Variants in PLA2G4A observed in about 807,000 individuals in gnomAD.
The protein encoded by PLA2G4A is phospholipase A2 group IVA.
In PLA2G4A, 40 loss-of-function variants were observed where a neutral mutation model predicts 81.9. The ratio of observed to expected loss-of-function variants is 0.49; its 90% confidence interval spans 0.38 to 0.64. The LOEUF (loss-of-function observed/expected upper bound fraction) is 0.64, where lower values mean the gene tolerates loss of function less well. PLA2G4A is among the 30% of genes least tolerant of loss of function. The probability of loss-of-function intolerance (pLI) is 0.00; values close to 1 mark genes in which losing one functional copy is unlikely to be tolerated. For missense variants in PLA2G4A, 715 were observed against 905.1 expected (o/e 0.79, Z 2.69); for synonymous variants, 302 against 296.9 (o/e 1.02, Z -0.18).
Position 186,935,003 on chromosome 1 carries a change from G to A in PLA2G4A, c.695+2104G>A, listed in dbSNP as rs141880224. On this transcript the variant is annotated intron_variant, in intron 8 of 17. Transcript: ENST00000367466. Reference sequence around the variant, plus strand: ...ATTACCACCAAGAATTTAATTCATGGAACCCTGTAACACTCCAAAACTTCA... The same window carrying A: ...ATTACCACCAAGAATTTAATTCATGAAACCCTGTAACACTCCAAAACTTCA... Among the ~76,000 whole-genome samples the A allele has an allele frequency of 3.4e-3, 511 of 151,644 alleles. 4 individuals are homozygous for A. The highest frequency in any genetic ancestry group is 0.014 in the Middle Eastern group (4 of 294).
intron 1 of PLA2G4A, among the ~76,000 whole-genome samples, chr1:186,830,362 C>T (rs1473072972): frequency 6.6e-6 from 1 of 151,872 alleles, no homozygotes; most frequent in East Asian, 1.9e-4. Context: ...AATACCAGCA[C>T]TTTGGGAGGC....
chr1:186,865,812 A>G (rs1653006971), intron 2 of PLA2G4A, among the ~76,000 whole-genome samples: 2 of 152,174 alleles, frequency 1.3e-5, no homozygotes, highest in South Asian at 4.1e-4. Context: ...ATAGTTACAT[A>G]TATCAATATA....
chr1:186,949,990 A>G (rs1334658759), intron 12 of PLA2G4A, among the ~76,000 whole-genome samples: 1 of 152,216 alleles, frequency 6.6e-6, no homozygotes, highest in Non-Finnish European at 1.5e-5. Context: ...AGCAGAGATC[A>G]TGCCACTGCA....
chr1:186,949,807 A>C (rs1321422077), intron 12 of PLA2G4A, among the ~76,000 whole-genome samples: 1 of 151,980 alleles, frequency 6.6e-6, no homozygotes, highest in Non-Finnish European at 1.5e-5. Flanking sequence ...TGATCACTTG[A>C]GTCCAGGAGT....
intron 2 of PLA2G4A, among the ~76,000 whole-genome samples, chr1:186,861,172 T>C (rs796686338): frequency 2.6e-5 from 4 of 152,346 alleles, no homozygotes; most frequent in African/African-American, 9.6e-5. Flanking sequence ...ATTGGTTTTC[T>C]GGGCAGCTTG....
intron 3 of PLA2G4A, among the ~76,000 whole-genome samples, chr1:186,887,248 A>T (rs1329884058): frequency 6.6e-6 from 1 of 152,016 alleles, no homozygotes; most frequent in Non-Finnish European, 1.5e-5. Flanking sequence ...TTCAAACAAG[A>T]GGTTTAAGTT....
intron 14 of PLA2G4A, among the ~76,000 whole-genome samples, chr1:186,960,239 A>G (rs1656899075): frequency 1.3e-5 from 2 of 152,306 alleles, no homozygotes; most frequent in South Asian, 4.1e-4. Flanking sequence ...ACTGTGACAC[A>G]CCATCTGGAA....
intron 17 of PLA2G4A, among the ~76,000 whole-genome samples, chr1:186,984,222 A>T (rs991467595): frequency 1.3e-5 from 2 of 152,152 alleles, no homozygotes; most frequent in Admixed American, 1.3e-4. Context: ...CAGAGTTCCC[A>T]ACCATGGGGA....
chr1:186,873,363 G>A (rs777578504), intron 3 of PLA2G4A, among the ~76,000 whole-genome samples: 4 of 152,048 alleles, frequency 2.6e-5, no homozygotes, highest in African/African-American at 7.2e-5. Context: ...AGAACTATAA[G>A]AACTATTTTT....
At chr1:186,865,541 G>T (rs77897442) in intron 2 of PLA2G4A, among the ~76,000 whole-genome samples, 7,469 of 152,246 alleles carry the variant, frequency 0.049, 237 homozygotes, top group Non-Finnish European at 0.071. Flanking sequence ...CCTATTGCCA[G>T]TTGTGGTGAT....
At chr1:186,833,076 G>A (rs1330461850) in intron 1 of PLA2G4A, among the ~76,000 whole-genome samples, 1 of 152,150 alleles carries the variant, frequency 6.6e-6, no homozygotes, top group Non-Finnish European at 1.5e-5. Flanking sequence ...ATGTAAAGAA[G>A]ATATTGTTAG....
At chr1:186,940,509 C>T (rs1656112104) in intron 10 of PLA2G4A, among the ~76,000 whole-genome samples, 1 of 152,200 alleles carries the variant, frequency 6.6e-6, no homozygotes, top group African/African-American at 2.4e-5. Context: ...GTTCCAGGCC[C>T]CCCTGTGGAT....
chr1:186,892,381 C>A (rs1654175539), intron 3 of PLA2G4A, among the ~76,000 whole-genome samples: 1 of 152,118 alleles, frequency 6.6e-6, no homozygotes, highest in South Asian at 2.1e-4. Flanking sequence ...GACTGTTCTC[C>A]TGGAGATTTT....
At position 186,932,347 on chromosome 1, in the gene PLA2G4A, G is replaced by A. The variant is rs144108308; in HGVS notation, c.559-416G>A. The stretch of plus-strand genomic sequence containing the variant: ...GTCTTGCTCTGTTGCCCAGGCTGGA[G>A]AGCAATGGCACGATCTTGGCTCACT... On this transcript the variant is annotated intron_variant, in intron 7 of 17. Coordinates refer to ENST00000367466, the MANE Select transcript of PLA2G4A (RefSeq NM_024420.3). 4.0e-3 allele frequency among the ~76,000 whole-genome samples: 588 copies of A among 148,724 alleles called. 3 individuals carry two copies. The highest frequency in any genetic ancestry group is 0.014 in the African/African-American group (570 of 40,094).
At chr1:186,943,430 A>G (rs1049213968) in intron 10 of PLA2G4A, among the ~76,000 whole-genome samples, 1 of 152,248 alleles carries the variant, frequency 6.6e-6, no homozygotes, top group Non-Finnish European at 1.5e-5. Flanking sequence ...CAGACACTTT[A>G]GAAGTACAAA....
chr1:186,848,021 AT>A (rs1170466193), intron 1 of PLA2G4A, among the ~76,000 whole-genome samples: 1 of 152,166 alleles, frequency 6.6e-6, no homozygotes, highest in Non-Finnish European at 1.5e-5. Context: ...AGAATCTTAA[AT>A]CCTATACAAG....
intron 1 of PLA2G4A, among the ~76,000 whole-genome samples, chr1:186,835,894 A>G (rs901820512): frequency 6.6e-6 from 1 of 152,180 alleles, no homozygotes; most frequent in Non-Finnish European, 1.5e-5. Context: ...ATAATCTATT[A>G]CTTGGTACTT....
intron 3 of PLA2G4A, among the ~76,000 whole-genome samples, chr1:186,887,881 G>A (rs1314975717): frequency 6.6e-6 from 1 of 152,096 alleles, no homozygotes; most frequent in African/African-American, 2.4e-5. Flanking sequence ...TGAGCTATGT[G>A]ATTATTGTAA....
At chr1:186,860,435 G>A (rs998833244) in intron 2 of PLA2G4A, among the ~76,000 whole-genome samples, 14 of 152,094 alleles carry the variant, frequency 9.2e-5, no homozygotes, top group African/African-American at 3.4e-4. Flanking sequence ...CGCTCAGTGA[G>A]GTGAGAATAA....
Sources: gnomAD v4.1 joint callset for allele counts (sites outside exome capture counted in the v4.1 genomes callset) on GRCh38, gnomAD v4.1.1 for gene constraint, MANE v1.5 for transcripts, NCBI Gene and HGNC (gene_info 2026-07-23, HGNC 2026-07-21) for gene names.